MIB1: variants seen among roughly 807,000 people sequenced by gnomAD.
MIB1 encodes the protein MIB E3 ubiquitin protein ligase 1.
A neutral mutation model predicts 124.5 loss-of-function variants in MIB1; 278 were observed. The observed-to-expected ratio is 2.23, with a 90% CI of 2.02 to 2.47. MIB1 has a LOEUF of 2.47. Ranked by LOEUF, MIB1 falls within the 30% of genes most tolerant of loss-of-function variation. The pLI, the probability that MIB1 is intolerant of heterozygous loss-of-function variation, is 0.00. For synonymous variants in MIB1, 446 were observed against 429.4 expected (o/e 1.04, Z -0.48); for missense variants, 957 against 1,254.4 (o/e 0.76, Z 3.58).
At chr18:21,845,850 C>G (rs1206557762) in intron 15 of MIB1, among the ~76,000 whole-genome samples, 1 of 152,170 alleles carries the variant, frequency 6.6e-6, no homozygotes, top group Non-Finnish European at 1.5e-5. Flanking sequence ...GTCCCGAACT[C>G]CTGACCTCAT....
chr18:21,803,412 A>G (rs988203014), intron 9 of MIB1, among the ~76,000 whole-genome samples: 32 of 152,346 alleles, frequency 2.1e-4, no homozygotes, highest in Non-Finnish European at 1.3e-4. Context: ...ATAGTTGTAT[A>G]TAACTACCTT....
At position 21,768,647 on chromosome 18, in the gene MIB1, A is replaced by G. The variant is rs773291480; in HGVS notation, c.426A>G (p.Lys142=). ...GGGTTCTGTTAGAGTCTCGTAGGAAATCTAAGAAGATTACAGCCAGAGGAA... is the reference window on the plus strand; with the variant it reads ...GGGTTCTGTTAGAGTCTCGTAGGAAGTCTAAGAAGATTACAGCCAGAGGAA... ...SERVLLESRR[K]SKKITARGIF... The change falls in exon 3 of 21, where the codon AAA becomes AAG. Residue 142 remains lysine, a synonymous_variant. Transcript: ENST00000261537. 4 of 1,586,702 alleles carry G rather than the reference A, an allele frequency of 2.5e-6. No homozygotes were observed. The Admixed American group carries it at 5.3e-5, about 21-fold the overall frequency.
At chr18:21,817,440 G>A (rs1040744918) in intron 11 of MIB1, among the ~76,000 whole-genome samples, 1 of 152,132 alleles carries the variant, frequency 6.6e-6, no homozygotes, top group African/African-American at 2.4e-5. Context: ...TCTTTATGTA[G>A]GTGGATGAAT....
chr18:21,800,645 A>G (rs1441371023), intron 9 of MIB1, among the ~76,000 whole-genome samples: 1 of 152,108 alleles, frequency 6.6e-6, no homozygotes, highest in Non-Finnish European at 1.5e-5. Flanking sequence ...TGACAATTTG[A>G]ATCATTCTCA....
At chr18:21,857,040 T>A (rs1405946080) in intron 18 of MIB1, 90 bp from the exon 19 acceptor site, 1 of 819,438 alleles carries the variant, frequency 1.2e-6, no homozygotes, top group Non-Finnish European at 2.1e-6. Flanking sequence ...TATTTCAGTG[T>A]GAAATTTAAG....
At chr18:21,823,173 G>T (rs149016321) in intron 12 of MIB1, among the ~76,000 whole-genome samples, 4 of 150,534 alleles carry the variant, frequency 2.7e-5, no homozygotes, top group Non-Finnish European at 5.9e-5. Context: ...AGCAGAGGTT[G>T]TAGTGAGCTG....
At chr18:21,787,848 A>G (rs1028474528) in intron 6 of MIB1, among the ~76,000 whole-genome samples, 31 of 151,480 alleles carry the variant, frequency 2.0e-4, no homozygotes, top group African/African-American at 7.3e-4. Context: ...ATATGTACAC[A>G]TATACTAATC....
intron 9 of MIB1, among the ~76,000 whole-genome samples, chr18:21,800,639 A>G (rs1158901870): frequency 6.6e-6 from 1 of 152,110 alleles, no homozygotes; most frequent in African/African-American, 2.4e-5. Flanking sequence ...TTGGAGTGAC[A>G]ATTTGAATCA....
chr18:21,842,535 T>C (rs1046979059), intron 13 of MIB1, among the ~76,000 whole-genome samples: 5 of 152,056 alleles, frequency 3.3e-5, no homozygotes, highest in Non-Finnish European at 7.4e-5. Context: ...TCAGTCTCTT[T>C]CTTCATTAGG....
At chr18:21,752,150 T>C (rs1425133219) in intron 1 of MIB1, among the ~76,000 whole-genome samples, 1 of 152,252 alleles carries the variant, frequency 6.6e-6, no homozygotes, top group African/African-American at 2.4e-5. Context: ...GCCTTTACTA[T>C]TGTAGTAGTA....
intron 13 of MIB1, among the ~76,000 whole-genome samples, chr18:21,841,830 T>C (rs558294311): frequency 1.6e-4 from 24 of 152,038 alleles, no homozygotes; most frequent in African/African-American, 5.5e-4. Flanking sequence ...GTTCAGGTAG[T>C]GCTGGGATAA....
intron 5 of MIB1, among the ~76,000 whole-genome samples, 163 bp downstream of exon 5, chr18:21,778,332 T>G (rs571632159): frequency 3.3e-5 from 5 of 152,236 alleles, no homozygotes; most frequent in African/African-American, 4.8e-5. Flanking sequence ...TCTTTTATTA[T>G]GCTTTATTTG....
At chr18:21,858,470 CAG>C (rs1320372428) in intron 19 of MIB1, 74 bp from the exon 20 acceptor site, 2 of 734,062 alleles carry the variant, frequency 2.7e-6, no homozygotes, top group African/African-American at 1.8e-5. Flanking sequence ...ATAAACAAAA[CAG>C]TAATATTTTA....
intron 12 of MIB1, among the ~76,000 whole-genome samples, chr18:21,829,960 T>C (rs1390401287): frequency 6.6e-6 from 1 of 152,054 alleles, no homozygotes; most frequent in East Asian, 1.9e-4. Context: ...TGAAAAGAAA[T>C]TATAGTTGGT....
Position 21,800,026 on chromosome 18 carries a change from T to G in MIB1, c.1371+52T>G, listed in dbSNP as rs756220933. On this transcript the variant is annotated intron_variant, in intron 9 of 20. Transcript: ENST00000261537. Reference sequence around the variant, plus strand: ...GCATACAAAAAGTAGAATAGTATAATGAACCTTATCCTCAACAATTACTAA... The same window carrying G: ...GCATACAAAAAGTAGAATAGTATAAGGAACCTTATCCTCAACAATTACTAA... 3.4e-6 allele frequency: 5 copies of G among 1,477,936 alleles called. No individual in the cohort carries two copies. The South Asian group carries it at 6.0e-5, about 18-fold the overall frequency. The allele number at this position is 1,477,936 out of a possible 1,614,324, so 91.6% of individuals were successfully genotyped here. A position where few individuals can be genotyped will look rare whatever the true frequency, so the allele number is the denominator to read the frequency against.
At chr18:21,757,323 A>C (rs2041044137) in intron 1 of MIB1, among the ~76,000 whole-genome samples, 1 of 150,956 alleles carries the variant, frequency 6.6e-6, no homozygotes, top group South Asian at 2.1e-4. Context: ...GTGGTGGCAC[A>C]TGCCTGTTAT....
rs1234314848 is a variant in MIB1, at chr18:21,756,820, T to TA, written c.230-8945dup. 2.6e-5 allele frequency among the ~76,000 whole-genome samples: 4 copies of TA among 152,296 alleles called. No individual in the cohort carries two copies. In the East Asian group the frequency reaches 7.7e-4, roughly 29 times the overall value. ...CCTCATTAATTTTTTGACTCCTATGTAAAAAAATGCCAAAAATATAAACAA... is the reference window on the plus strand; with the variant it reads ...CCTCATTAATTTTTTGACTCCTATGTAAAAAAAATGCCAAAAATATAAACAA... On this transcript the variant is annotated intron_variant, in intron 1 of 20. Coordinates refer to ENST00000261537, the MANE Select transcript of MIB1 (RefSeq NM_020774.4).
intron 18 of MIB1, among the ~76,000 whole-genome samples, chr18:21,853,990 GCA>G (rs1325340755): frequency 9.2e-6 from 1 of 108,886 alleles, no homozygotes; most frequent in Non-Finnish European, 1.7e-5. Context: ...CTCCGCCTAG[GCA>G]ACAGACTGAG....
At chr18:21,842,057 A>G (rs1234956170) in intron 13 of MIB1, among the ~76,000 whole-genome samples, 1 of 127,624 alleles carries the variant, frequency 7.8e-6, no homozygotes, top group Non-Finnish European at 1.6e-5. Flanking sequence ...GTGCCACTGC[A>G]CTCCAGCCTG....
Sources: allele counts gnomAD v4.1 joint callset (sites outside exome capture counted in the v4.1 genomes callset), GRCh38; gene constraint gnomAD v4.1.1; transcripts MANE v1.5; gene names NCBI Gene and HGNC (gene_info 2026-07-23, HGNC 2026-07-21).